The following OTC variants were observed in gnomAD, a reference collection of about 807,000 sequenced individuals.
OTC encodes the protein ornithine transcarbamylase, mitochondrial.
OTC carries 3 observed loss-of-function variants against 30.3 expected under a neutral mutation model. The observed-to-expected ratio is 0.10, with a 90% confidence interval of 0.05 to 0.26. The LOEUF (loss-of-function observed/expected upper bound fraction) is 0.26, where lower values mean the gene tolerates loss of function less well. Among genes scored for constraint, OTC ranks in the 10% least tolerant of loss-of-function variants. The probability of loss-of-function intolerance (pLI) is 1.00; values close to 1 mark genes in which losing one functional copy is unlikely to be tolerated. For missense variants in OTC, 194 were observed against 260.3 expected, an observed-to-expected ratio of 0.75 and a Z score of 1.75; for synonymous variants, 111 against 99.7, an observed-to-expected ratio of 1.11 and a Z score of -0.67.
chrX:38,359,344 T>A (rs962390651), intron 1 of OTC, among the ~76,000 whole-genome samples: 2 of 111,453 alleles, frequency 1.8e-5, no homozygotes, highest in African/African-American at 6.5e-5. Flanking sequence ...CAGTCAATTA[T>A]CCTCCATGAT....
At chrX:38,377,816 A>G (rs926321769) in intron 3 of OTC, among the ~76,000 whole-genome samples, 2 of 111,126 alleles carry the variant, frequency 1.8e-5, no homozygotes, top group African/African-American at 3.3e-5. Flanking sequence ...CACCGTCCAC[A>G]CTACCTTCTT....
chrX:38,405,387 A>T (rs969986337), intron 6 of OTC, among the ~76,000 whole-genome samples: 5 of 111,319 alleles, frequency 4.5e-5, no homozygotes, highest in African/African-American at 1.6e-4. Context: ...CTCAGGGAGG[A>T]TCCTTTTTTG....
chrX:38,365,990 A>G (rs2068293878), intron 1 of OTC, among the ~76,000 whole-genome samples: 1 of 112,026 alleles, frequency 8.9e-6, no homozygotes, highest in Admixed American at 9.5e-5. Context: ...AAAGACTGCT[A>G]TGAGAAATTC....
intron 4 of OTC, among the ~76,000 whole-genome samples, chrX:38,382,316 T>C: frequency 8.9e-6 from 1 of 112,372 alleles, no homozygotes; most frequent in Non-Finnish European, 1.9e-5. Context: ...CACTACATCA[T>C]GTCTGGCTAA....
chrX:38,418,418 C>T (rs2068579942), intron 9 of OTC, among the ~76,000 whole-genome samples: 1 of 111,509 alleles, frequency 9.0e-6, no homozygotes, highest in Non-Finnish European at 1.9e-5. Flanking sequence ...ATATTTTGTC[C>T]CATTCTGTGG....
At chrX:38,355,186 A>C (rs775182837) in intron 1 of OTC, among the ~76,000 whole-genome samples, 3 of 111,888 alleles carry the variant, frequency 2.7e-5, no homozygotes, top group Non-Finnish European at 5.6e-5. Flanking sequence ...GAAGCCATCC[A>C]CACAGCCCCT....
At chrX:38,378,563 T>C (rs2068360813) in intron 3 of OTC, among the ~76,000 whole-genome samples, 1 of 111,671 alleles carries the variant, frequency 9.0e-6, no homozygotes, top group Non-Finnish European at 1.9e-5. Context: ...GCAAGTATTA[T>C]TAGAGCTAAT....
intron 4 of OTC, among the ~76,000 whole-genome samples, chrX:38,389,371 T>C (rs2068419862): frequency 2.0e-5 from 2 of 98,032 alleles, no homozygotes; most frequent in African/African-American, 7.6e-5. Flanking sequence ...TCAAGAGGAG[T>C]GAACCATTGT....
intron 2 of OTC, 96 bp from the exon 3 acceptor site, chrX:38,369,700 G>T: frequency 2.4e-6 from 1 of 417,443 alleles, no homozygotes; most frequent in South Asian, 4.9e-5. Context: ...ACTTATTTGG[G>T]GGTAGTTATT....
At chrX:38,390,387 A>G (rs1273557396) in intron 4 of OTC, among the ~76,000 whole-genome samples, 2 of 112,411 alleles carry the variant, frequency 1.8e-5, no homozygotes, top group African/African-American at 6.5e-5. Flanking sequence ...GGGGATAGAG[A>G]TTAAGTCTGC....
Position 38,403,688 on chromosome X carries a change from T to C in OTC, c.611T>C (p.Ile204Thr). 1 of 1,209,882 alleles carries C rather than the reference T, an allele frequency of 8.3e-7. No homozygotes were observed. Among genetic ancestry groups the C allele is most frequent in the Non-Finnish European group, 1.1e-6 (1 of 893,718 alleles). ...GATGGGAACAATATCCTGCACTCCATCATGATGAGCGCAGCGAAATTCGGA... is the reference window on the plus strand; with the variant it reads ...GATGGGAACAATATCCTGCACTCCACCATGATGAGCGCAGCGAAATTCGGA... ...IGDGNNILHS[I>T]MMSAAKFGMH... The change falls in exon 6 of 10, where the codon ATC (isoleucine) becomes ACC (threonine). Residue 204 changes from isoleucine (I) to threonine (T), a missense_variant. Ile to Thr is a moderately conservative substitution (Grantham distance 89). Transcript: ENST00000039007.
chrX:38,366,935 C>G (rs2068299056), intron 1 of OTC, among the ~76,000 whole-genome samples: 1 of 111,376 alleles, frequency 9.0e-6, no homozygotes, highest in South Asian at 3.7e-4. Flanking sequence ...TGTGCTTTAT[C>G]AAGAGGCCGA....
chrX:38,331,438 TTTTGTTTTTTTTTTTTG>T, the OTC span, among the ~76,000 whole-genome samples: 5 of 70,885 alleles, frequency 7.1e-5, no homozygotes, highest in African/African-American at 1.7e-4. Flanking sequence ...TTTGTTTTTT[TTTTGTTTTTTTTTTTTG>T]TTTGTTTTTT....
At chrX:38,353,943 C>G (rs756974727) in intron 1 of OTC, among the ~76,000 whole-genome samples, 3 of 111,618 alleles carry the variant, frequency 2.7e-5, no homozygotes, top group Non-Finnish European at 5.6e-5. Flanking sequence ...CCAATTAGTG[C>G]CAGAGTTAGA....
At chrX:38,377,830 G>GTC (rs1203444221) in intron 3 of OTC, among the ~76,000 whole-genome samples, 1 of 110,507 alleles carries the variant, frequency 9.0e-6, no homozygotes, top group East Asian at 2.9e-4. Context: ...CCTTCTTGTT[G>GTC]TCTCTCTCTC....
chrX:38,388,253 G>C (rs2068413536), intron 4 of OTC, among the ~76,000 whole-genome samples: 1 of 111,674 alleles, frequency 9.0e-6, no homozygotes, highest in South Asian at 3.8e-4. Flanking sequence ...CCCCTGGATA[G>C]AATCAGTCCT....
chrX:38,337,028 C>T, the OTC span, among the ~76,000 whole-genome samples: 4 of 111,427 alleles, frequency 3.6e-5, no homozygotes, highest in African/African-American at 6.5e-5. Context: ...ATTTCCTGAT[C>T]GTTGGAAAGC....
intron 9 of OTC, among the ~76,000 whole-genome samples, chrX:38,414,705 C>T (rs1343343942): frequency 8.9e-6 from 1 of 112,007 alleles, no homozygotes; most frequent in Non-Finnish European, 1.9e-5. Context: ...CAACAGGCTA[C>T]AGGAATTCTG....
At chrX:38,373,743 T>C (rs1471911685) in intron 3 of OTC, 1 of 112,598 alleles carries the variant, frequency 8.9e-6, no homozygotes, top group Non-Finnish European at 1.9e-5. Flanking sequence ...GCAAAGGTAC[T>C]CGGATCCCTT....
Sources: gnomAD v4.1 joint callset for allele counts (sites outside exome capture counted in the v4.1 genomes callset) on GRCh38, gnomAD v4.1.1 for gene constraint, MANE v1.5 for transcripts, NCBI Gene and HGNC (gene_info 2026-07-23, HGNC 2026-07-21) for gene names.